MYOF: variants seen among roughly 807,000 people sequenced by gnomAD.
MYOF encodes the protein fer-1-like 3, myoferlin.
A neutral mutation model predicts 284.2 loss-of-function variants in MYOF; 244 were observed. That is an observed-to-expected ratio of 0.86 (90% CI 0.77 to 0.95). The LOEUF (loss-of-function observed/expected upper bound fraction) is 0.95. Among genes scored for constraint, MYOF ranks in the 40% least tolerant of loss-of-function variants. The pLI is 0.00. For missense variants in MYOF, 2,496 were observed against 2,560.6 expected (o/e 0.97, Z 0.54); for synonymous variants, 904 against 919.7 (o/e 0.98, Z 0.31).
intron 46 of MYOF, among the ~76,000 whole-genome samples, chr10:93,325,496 G>A (rs1397643313): frequency 6.6e-6 from 1 of 152,100 alleles, no homozygotes; most frequent in Non-Finnish European, 1.5e-5. Context: ...CAACACACAA[G>A]CACTCAAGGA....
intron 1 of MYOF, among the ~76,000 whole-genome samples, chr10:93,461,635 G>A (rs899314174): frequency 1.3e-5 from 2 of 152,124 alleles, no homozygotes; most frequent in African/African-American, 4.8e-5. Flanking sequence ...GCATGGAGGA[G>A]GGAGAACCAG....
intron 1 of MYOF, among the ~76,000 whole-genome samples, chr10:93,459,156 A>G (rs1022723162): frequency 1.3e-5 from 2 of 151,902 alleles, no homozygotes; most frequent in African/African-American, 4.8e-5. Context: ...ACTGCATCTG[A>G]CTCTGAGGTC....
At chr10:93,390,659 T>C (rs1846630997) in intron 17 of MYOF, among the ~76,000 whole-genome samples, 2 of 152,196 alleles carry the variant, frequency 1.3e-5, no homozygotes, top group Non-Finnish European at 2.9e-5. Context: ...GACGATTAAT[T>C]GATCACTAAT....
At chr10:93,328,387 A>G (rs2761290) in intron 45 of MYOF, among the ~76,000 whole-genome samples, 150,387 of 152,298 alleles carry the variant, frequency 0.99, 74,267 homozygotes, top group East Asian at 1. Context: ...GCCAACCATA[A>G]CATCCCTGAA....
intron 19 of MYOF, 27 bp downstream of exon 19, chr10:93,387,770 A>C (rs765017130): frequency 6.3e-7 from 1 of 1,587,284 alleles, no homozygotes; most frequent in African/African-American, 1.3e-5. Context: ...TTTCTATACC[A>C]TGCATTACTC....
chr10:93,441,997 AACACAC>A (rs34488205), intron 3 of MYOF, among the ~76,000 whole-genome samples: 3,034 of 133,012 alleles, frequency 0.023, 48 homozygotes, highest in African/African-American at 0.042. Context: ...CCTCAACCTG[AACACAC>A]ACACACACAC....
intron 3 of MYOF, among the ~76,000 whole-genome samples, chr10:93,445,848 C>T (rs1462901610): frequency 1.3e-5 from 2 of 152,188 alleles, no homozygotes; most frequent in Non-Finnish European, 2.9e-5. Context: ...TGTAGAAAAC[C>T]CTTCCGCCCC....
chr10:93,388,795 A>T (rs1385911261), intron 18 of MYOF, among the ~76,000 whole-genome samples: 3 of 152,246 alleles, frequency 2.0e-5, no homozygotes, highest in Non-Finnish European at 2.9e-5. Context: ...GCTTATTAGG[A>T]AAGAGAGCCA....
chr10:93,323,512 C>G (rs1401719385), intron 46 of MYOF, 154 bp from the exon 47 acceptor site: 6 of 695,930 alleles, frequency 8.6e-6, no homozygotes, highest in Non-Finnish European at 1.4e-5. Context: ...AGAGAGCAAA[C>G]CAAGGTTAAT....
At chr10:93,415,419 A>C (rs1363077672) in intron 5 of MYOF, among the ~76,000 whole-genome samples, 5 of 152,196 alleles carry the variant, frequency 3.3e-5, no homozygotes, top group African/African-American at 4.8e-5. Context: ...CATTTCCAAG[A>C]TATCTATCCC....
In MYOF at chr10:93,391,079, C is replaced by T. The variant is rs542916937; in HGVS notation, c.1456+1838G>A. Among the ~76,000 whole-genome samples, 14 of 152,336 alleles carry T rather than the reference C, an allele frequency of 9.2e-5. No individual in the cohort carries two copies. The South Asian group carries it at 2.9e-3, about 32-fold the overall frequency. On this transcript the variant is annotated intron_variant, in intron 17 of 53. Coordinates refer to ENST00000359263, the MANE Select transcript of MYOF (RefSeq NM_013451.4). ...CACCTGGTTCCCTTGAATGACTGTG[C>T]TGTCATGTGTATTTGCTTTTTGTTA...
At chr10:93,418,436 T>C (rs1177360823) in intron 5 of MYOF, among the ~76,000 whole-genome samples, 1 of 152,104 alleles carries the variant, frequency 6.6e-6, no homozygotes, top group Non-Finnish European at 1.5e-5. Flanking sequence ...AATTCCTGGG[T>C]AAATAACAAT....
rs1427943675 is a variant in MYOF at position 93,356,798 on chromosome 10, A to G, written c.3171T>C (p.Ile1057=). The stretch of plus-strand genomic sequence containing the variant: ...GTTGTTTCCAGTGAAATTTCCAGCC[A>G]ATTAGAGAAGCATATTCCCAGCCCT... ...DQEGWEYASL[I]GWKFHWKQRS... Residue 1057 remains isoleucine (I), a synonymous_variant, in exon 30 of 54, where the codon ATT becomes ATC. Coordinates refer to ENST00000359263, the MANE Select transcript of MYOF (RefSeq NM_013451.4). The G allele has an allele frequency of 6.2e-7, 1 of 1,614,070 alleles. No homozygotes were observed. The highest frequency in any genetic ancestry group is 1.3e-5 in the African/African-American group (1 of 74,928).
chr10:93,363,125 A>G (rs977820613), intron 27 of MYOF, among the ~76,000 whole-genome samples: 1 of 152,262 alleles, frequency 6.6e-6, no homozygotes, highest in Non-Finnish European at 1.5e-5. Flanking sequence ...TCATAGATCT[A>G]TATGCATTGA....
intron 4 of MYOF, among the ~76,000 whole-genome samples, chr10:93,429,580 T>C (rs1359843976): frequency 6.6e-6 from 1 of 152,230 alleles, no homozygotes; most frequent in Non-Finnish European, 1.5e-5. Context: ...GCCAACATTT[T>C]AAATGTGTGT....
At chr10:93,367,845 G>A (rs988196568) in intron 25 of MYOF, among the ~76,000 whole-genome samples, 13 of 151,982 alleles carry the variant, frequency 8.6e-5, no homozygotes, top group Admixed American at 2.0e-4. Context: ...AGAAAATTAC[G>A]TGCTAGTATT....
chr10:93,329,952 G>A, intron 43 of MYOF, 118 bp from the exon 44 acceptor site: 2 of 1,035,686 alleles, frequency 1.9e-6, no homozygotes, highest in South Asian at 3.0e-5. Flanking sequence ...GAGGACATCT[G>A]AGCAGGATAA....
chr10:93,379,901 C>T lies in MYOF; in HGVS notation c.1963G>A (p.Asp655Asn). 6.2e-7 allele frequency: 1 copy of T among 1,614,082 alleles called. No homozygotes were observed. Among genetic ancestry groups the T allele is most frequent in the Non-Finnish European group, 8.5e-7 (1 of 1,179,978 alleles). Residue 655 changes from aspartate to asparagine, a missense_variant, in exon 21 of 54, where the codon GAT becomes AAT. Physicochemically the swap from Asp to Asn is conservative, Grantham distance 23. Coordinates refer to ENST00000359263, the MANE Select transcript of MYOF (RefSeq NM_013451.4). ...ATAGCTAGGAGAGTGTTCACCGCATCCAGGCGATGACTAATATCCTCCCAG... is the reference window on the plus strand; with the variant it reads ...ATAGCTAGGAGAGTGTTCACCGCATTCAGGCGATGACTAATATCCTCCCAG... ...SYWEDISHRL[D>N]AVNTLLAMAE... is the part of the protein sequence containing the mutation.
At chr10:93,396,861 G>C (rs1847035727) in intron 15 of MYOF, among the ~76,000 whole-genome samples, 1 of 152,110 alleles carries the variant, frequency 6.6e-6, no homozygotes, top group Admixed American at 6.5e-5. Flanking sequence ...CTTCATTGAG[G>C]TAGTTTTACC....
Sources: allele counts gnomAD v4.1 joint callset (sites outside exome capture counted in the v4.1 genomes callset), GRCh38; gene constraint gnomAD v4.1.1; transcripts MANE v1.5; gene names NCBI Gene and HGNC (gene_info 2026-07-23, HGNC 2026-07-21).